The following MOK variants were observed in gnomAD, a reference collection of about 807,000 sequenced individuals.
MOK encodes the protein MAPK/MAK/MRK overlapping kinase.
In MOK, 59 loss-of-function variants were observed where a neutral mutation model predicts 54.2. The observed-to-expected ratio is 1.09, with a 90% CI of 0.88 to 1.35. The LOEUF (loss-of-function observed/expected upper bound fraction) is 1.35. Among genes scored for constraint, MOK ranks in the 40% most tolerant of loss-of-function variants. MOK has a pLI of 0.00. For missense variants in MOK, 517 were observed against 526.2 expected (o/e 0.98, Z 0.17); for synonymous variants, 210 against 202.7 (o/e 1.04, Z -0.31).
intron 1 of MOK, among the ~76,000 whole-genome samples, chr14:102,285,196 T>C (rs543653031): frequency 1.2e-4 from 19 of 152,070 alleles, no homozygotes; most frequent in Non-Finnish European, 2.6e-4. Context: ...ATCACTTAGA[T>C]TGTGGCAGAA....
intron 2 of MOK, among the ~76,000 whole-genome samples, chr14:102,271,723 T>C (rs2068384995): frequency 6.6e-6 from 1 of 152,066 alleles, no homozygotes; most frequent in Non-Finnish European, 1.5e-5. Flanking sequence ...CACGCCCACC[T>C]AATTTTTGTA....
At chr14:102,259,692 C>G (rs764506752) in intron 4 of MOK, among the ~76,000 whole-genome samples, 1 of 152,108 alleles carries the variant, frequency 6.6e-6, no homozygotes, top group Non-Finnish European at 1.5e-5. Flanking sequence ...AGGTATATAA[C>G]CTTGGACAAG....
In MOK at chr14:102,251,809, A is replaced by C; in HGVS notation, c.363-5T>G. ...TCTCTGTGAAATATTCCATTTCTGC[A>C]TTCAGTATAAAGGAAAAATAGAATT... On this transcript the variant is annotated splice_polypyrimidine_tract_variant and splice_region_variant and intron_variant, in intron 5 of 11. Coordinates refer to ENST00000361847, the MANE Select transcript of MOK (RefSeq NM_014226.3). The C allele has an allele frequency of 6.4e-7, 1 of 1,565,584 alleles. No homozygotes were observed. Among genetic ancestry groups the C allele is most frequent in the Non-Finnish European group, 8.8e-7 (1 of 1,137,900 alleles).
At chr14:102,276,507 A>T (rs148539554) in intron 2 of MOK, among the ~76,000 whole-genome samples, 52 of 152,080 alleles carry the variant, frequency 3.4e-4, no homozygotes, top group African/African-American at 7.0e-4. Context: ...TAAATTAAAT[A>T]AAAAAATAAA....
Position 102,263,617 on chromosome 14 carries a change from C to T in MOK, c.213-1G>A, listed in dbSNP as rs1191583092. 1 of 1,597,224 alleles carries T rather than the reference C, an allele frequency of 6.3e-7. No individual in the cohort carries two copies. Among genetic ancestry groups the T allele is most frequent in the East Asian group, 2.2e-5 (1 of 44,662 alleles). On this transcript the variant is annotated splice_acceptor_variant, in intron 3 of 11. Transcript: ENST00000361847. LOFTEE classifies it high-confidence loss of function. ...TGCAAGAGAACCAGATTTTCTGTCA[C>T]TGAAGAAGAAAGCAAGTTTTTAAAA...
At chr14:102,243,456 G>A (rs2065866452) in intron 7 of MOK, among the ~76,000 whole-genome samples, 1 of 152,140 alleles carries the variant, frequency 6.6e-6, no homozygotes, top group African/African-American at 2.4e-5. Flanking sequence ...ACTGTTTTAG[G>A]CTGGCCATCA....
intron 7 of MOK, among the ~76,000 whole-genome samples, chr14:102,241,722 C>A (rs1232160343): frequency 6.6e-6 from 1 of 152,208 alleles, no homozygotes; most frequent in African/African-American, 2.4e-5. Flanking sequence ...ATTAACCTCA[C>A]CTTCAAGGTG....
At chr14:102,217,900 C>T in the MOK span, among the ~76,000 whole-genome samples, 1 of 152,228 alleles carries the variant, frequency 6.6e-6, no homozygotes, top group Non-Finnish European at 1.5e-5. Context: ...TCGTGTTCTC[C>T]CCAGGGTGAG....
At chr14:102,225,514 T>C (rs2064207284), downstream of MOK, 1 of 152,258 alleles carries the variant, frequency 6.6e-6, no homozygotes, top group Non-Finnish European at 1.5e-5. Flanking sequence ...TCCAAAACTT[T>C]TGTTGGCCCC....
At position 102,233,860 on chromosome 14, in the gene MOK, T is replaced by C. The variant is rs988096883; in HGVS notation, c.591-71A>G. On this transcript the variant is annotated intron_variant, in intron 7 of 11. Transcript: ENST00000361847. ...AACAGACCTCACCAATTACAAACCA[T>C]CTGGACCGCACAAGGGGAGATCGTG... 9 of 1,136,296 alleles carry C rather than the reference T, an allele frequency of 7.9e-6. No individual in the cohort carries two copies. The East Asian group carries it at 1.4e-4, about 18-fold the overall frequency. The allele number at this position is 1,136,296 out of a possible 1,614,324, so 70.4% of individuals were successfully genotyped here.
At chr14:102,251,400 C>T (rs143301546) in intron 6 of MOK, 3 of 393,022 alleles carry the variant, frequency 7.6e-6, no homozygotes, top group East Asian at 6.4e-5. Context: ...GCAAATTGTA[C>T]GGTTTAAACA....
In MOK at chr14:102,236,808, C is replaced by G. The variant is rs926606066; in HGVS notation, c.591-3019G>C. 2.0e-5 allele frequency among the ~76,000 whole-genome samples: 3 copies of G among 152,192 alleles called. No individual in the cohort carries two copies. The highest frequency in any genetic ancestry group is 4.8e-5 in the African/African-American group (2 of 41,448). ...CACCAAAAAGGCTTACAGCCCATCA[C>G]AAACAAGCTCTGTTCACGCCGTCTT... On this transcript the variant is annotated intron_variant, in intron 7 of 11. Coordinates refer to ENST00000361847, the MANE Select transcript of MOK (RefSeq NM_014226.3). This position sits in a 1 kb window ranked among gnomAD's most constrained non-coding sequence, Gnocchi z 4.5.
At position 102,286,607 on chromosome 14, in the gene MOK, T is replaced by A. The variant is rs569321106; in HGVS notation, c.8-3015A>T. ...GCCTGGGCGACAGAGGGAGACCCTG[T>A]CTAAAAGAAAAAAAAATAACTTGCT... On this transcript the variant is annotated intron_variant, in intron 1 of 11. Coordinates refer to ENST00000361847, the MANE Select transcript of MOK (RefSeq NM_014226.3). 5.9e-5 allele frequency among the ~76,000 whole-genome samples: 9 copies of A among 152,088 alleles called. No individual in the cohort carries two copies. The East Asian group carries it at 1.7e-3, about 29-fold the overall frequency.
intron 7 of MOK, among the ~76,000 whole-genome samples, chr14:102,239,790 A>C (rs1268503136): frequency 6.6e-6 from 1 of 152,100 alleles, no homozygotes; most frequent in African/African-American, 2.4e-5. Context: ...AATCACTTGA[A>C]CCTGGGAGGC....
intron 2 of MOK, among the ~76,000 whole-genome samples, chr14:102,273,099 G>A (rs1033369565): frequency 6.6e-6 from 1 of 151,992 alleles, no homozygotes; most frequent in African/African-American, 2.4e-5. Context: ...GAACCCGGGA[G>A]GTGGAGGTTG....
At chr14:102,242,176 G>A (rs922127738) in intron 7 of MOK, among the ~76,000 whole-genome samples, 4 of 152,162 alleles carry the variant, frequency 2.6e-5, no homozygotes, top group African/African-American at 7.2e-5. Flanking sequence ...ACAGTGGAGG[G>A]TAAGTCCATC....
chr14:102,305,077 AG>A lies in MOK; in HGVS notation c.-110del. On this transcript the variant is annotated 5_prime_UTR_variant, in exon 1 of 12. An upstream open reading frame in the 5' UTR loses its in-frame stop. Coordinates refer to ENST00000361847, the MANE Select transcript of MOK (RefSeq NM_014226.3). The stretch of plus-strand genomic sequence containing the variant: ...CTTCCCTGAGGCGGGGTCCCGCACT[AG>A]GATCTCCGTGGTGGTCCCTCGAAGG... 7.6e-7 allele frequency: 1 copy of A among 1,317,084 alleles called. No homozygotes were observed. Among genetic ancestry groups the A allele is most frequent in the Non-Finnish European group, 1.1e-6 (1 of 932,424 alleles). The allele number at this position is 1,317,084 out of a possible 1,614,324, so 81.6% of individuals were successfully genotyped here. A position where few individuals can be genotyped will look rare whatever the true frequency, so the allele number is the denominator to read the frequency against.
At chr14:102,239,440 T>TTC (rs1465893626) in intron 7 of MOK, among the ~76,000 whole-genome samples, 6 of 126,930 alleles carry the variant, frequency 4.7e-5, no homozygotes, top group Non-Finnish European at 7.8e-5. Flanking sequence ...TCCTTCTGAT[T>TTC]CTCAATTAGG....
chr14:102,242,898 C>G (rs1029165901), intron 7 of MOK, among the ~76,000 whole-genome samples: 7 of 152,152 alleles, frequency 4.6e-5, no homozygotes, highest in African/African-American at 1.7e-4. Context: ...TATTCCTTTG[C>G]ACGCTTCATC....
Sources: allele counts gnomAD v4.1 joint callset (sites outside exome capture counted in the v4.1 genomes callset), GRCh38; gene constraint gnomAD v4.1.1; non-coding constraint Gnocchi (gnomAD v3.1); transcripts MANE v1.5; gene names NCBI Gene and HGNC (gene_info 2026-07-23, HGNC 2026-07-21).